The following LYPLAL1 variants were observed in gnomAD, a reference collection of about 807,000 sequenced individuals.
LYPLAL1 encodes the protein lysophospholipase like 1.
LYPLAL1 carries 23 observed loss-of-function variants against 19.7 expected under a neutral mutation model. The ratio of observed to expected loss-of-function variants is 1.17; its 90% CI spans 0.84 to 1.65. LYPLAL1 has a LOEUF of 1.65. LYPLAL1 is among the 40% of genes most tolerant of loss of function. The probability of loss-of-function intolerance (pLI) is 0.00; values close to 1 mark genes in which losing one functional copy is unlikely to be tolerated. For missense variants in LYPLAL1, 355 were observed against 279.4 expected, an observed-to-expected ratio of 1.27 and a Z score of -1.93; for synonymous variants, 119 against 96.3, an observed-to-expected ratio of 1.24 and a Z score of -1.38.
At chr1:219,347,406 A>T in the LYPLAL1 span, among the ~76,000 whole-genome samples, 1 of 152,190 alleles carries the variant, frequency 6.6e-6, no homozygotes, top group Non-Finnish European at 1.5e-5. Flanking sequence ...GAACTGTTTA[A>T]GTCAGAACCC....
At chr1:219,181,597 C>T (rs990557037) in intron 2 of LYPLAL1, among the ~76,000 whole-genome samples, 2 of 152,076 alleles carry the variant, frequency 1.3e-5, no homozygotes, top group Admixed American at 6.6e-5. Flanking sequence ...AAGCATAAGG[C>T]TCAGTTTGTG....
At chr1:219,401,658 G>A in the LYPLAL1 span, among the ~76,000 whole-genome samples, 1 of 152,010 alleles carries the variant, frequency 6.6e-6, no homozygotes, top group African/African-American at 2.4e-5. Context: ...TCTTTTGGAA[G>A]GTATGCCAGC....
the LYPLAL1 span, among the ~76,000 whole-genome samples, chr1:219,354,051 A>T: frequency 6.6e-6 from 1 of 152,244 alleles, no homozygotes; most frequent in Non-Finnish European, 1.5e-5. Context: ...ATGGAAGTAG[A>T]AACAGTCCAA....
At chr1:219,364,611 C>T in the LYPLAL1 span, among the ~76,000 whole-genome samples, 2 of 152,072 alleles carry the variant, frequency 1.3e-5, no homozygotes, top group Non-Finnish European at 2.9e-5. Context: ...AATGCAAACT[C>T]CATAGTGTGG....
intron 2 of LYPLAL1, among the ~76,000 whole-genome samples, chr1:219,188,870 G>A (rs1656931446): frequency 6.6e-6 from 1 of 151,610 alleles, no homozygotes; most frequent in African/African-American, 2.4e-5. Context: ...GAAGGTGAAT[G>A]AGTATAACAT....
chr1:219,347,929 T>C, the LYPLAL1 span, among the ~76,000 whole-genome samples: 11 of 151,680 alleles, frequency 7.3e-5, no homozygotes, highest in South Asian at 1.9e-3. Flanking sequence ...GCTTAAAATA[T>C]GTTCCTTGGC....
chr1:219,232,962 A>G, the LYPLAL1 span, among the ~76,000 whole-genome samples: 6 of 152,164 alleles, frequency 3.9e-5, no homozygotes, highest in African/African-American at 7.2e-5. Flanking sequence ...TGCTGCCACC[A>G]TGGAAAACAA....
chr1:219,289,657 A>C, the LYPLAL1 span, among the ~76,000 whole-genome samples: 1 of 152,198 alleles, frequency 6.6e-6, no homozygotes, highest in African/African-American at 2.4e-5. Flanking sequence ...CTTTTCACCC[A>C]CATTCTGTTT....
chr1:219,280,834 G>A, the LYPLAL1 span, among the ~76,000 whole-genome samples: 1 of 152,140 alleles, frequency 6.6e-6, no homozygotes, highest in Non-Finnish European at 1.5e-5. Context: ...AAATACCCGA[G>A]GTCAGGGGTT....
At chr1:219,341,908 G>A in the LYPLAL1 span, among the ~76,000 whole-genome samples, 22 of 152,140 alleles carry the variant, frequency 1.4e-4, no homozygotes, top group Admixed American at 1.0e-3. Flanking sequence ...CTTTCTAATA[G>A]ATTTGTTTTA....
chr1:219,174,229 C>T, intron 1 of LYPLAL1: 1 of 1,384,224 alleles, frequency 7.2e-7, no homozygotes, highest in South Asian at 1.5e-5. Context: ...TGTGTCCCGC[C>T]GCTCAGCCAG....
At chr1:219,437,500 T>C in the LYPLAL1 span, among the ~76,000 whole-genome samples, 2 of 152,146 alleles carry the variant, frequency 1.3e-5, no homozygotes, top group Non-Finnish European at 2.9e-5. Context: ...TCCCTGACTC[T>C]GATCCTTCCC....
the LYPLAL1 span, among the ~76,000 whole-genome samples, chr1:219,257,353 G>GTTTTT: frequency 5.3e-5 from 7 of 132,578 alleles, 1 homozygote; most frequent in Non-Finnish European, 9.7e-5. Context: ...ATCCATACCA[G>GTTTTT]TTTTTGTTTT....
chr1:219,252,788 C>T, the LYPLAL1 span, among the ~76,000 whole-genome samples: 1 of 152,060 alleles, frequency 6.6e-6, no homozygotes, highest in African/African-American at 2.4e-5. Flanking sequence ...CAAGATAATG[C>T]TGGCCTCATA....
the LYPLAL1 span, among the ~76,000 whole-genome samples, chr1:219,304,890 C>T: frequency 1.3e-5 from 2 of 152,092 alleles, no homozygotes; most frequent in Admixed American, 1.3e-4. Flanking sequence ...TTTTTCCTAT[C>T]GGCAAAGAGG....
the LYPLAL1 span, among the ~76,000 whole-genome samples, chr1:219,241,098 A>ATTCTC: frequency 1.1e-3 from 67 of 59,224 alleles, 1 homozygote; most frequent in African/African-American, 4.1e-3. Flanking sequence ...AATATATATA[A>ATTCTC]TCTCTCTCTC....
chr1:219,326,254 T>A, the LYPLAL1 span, among the ~76,000 whole-genome samples: 1 of 136,404 alleles, frequency 7.3e-6, no homozygotes, highest in Non-Finnish European at 1.5e-5. Flanking sequence ...CCTACTAACC[T>A]GAAATTTCCA....
At chr1:219,280,418 G>T in the LYPLAL1 span, among the ~76,000 whole-genome samples, 4 of 152,018 alleles carry the variant, frequency 2.6e-5, no homozygotes, top group African/African-American at 9.7e-5. Context: ...GCTTTTCCAG[G>T]ATTTGAATCT....
intron 3 of LYPLAL1, among the ~76,000 whole-genome samples, chr1:219,200,960 C>G (rs142436778): frequency 2.0e-5 from 3 of 152,174 alleles, no homozygotes; most frequent in Admixed American, 2.0e-4. Flanking sequence ...AACTTTATTT[C>G]ATTTTAAAGC....
Sources: gnomAD v4.1 joint callset for allele counts (sites outside exome capture counted in the v4.1 genomes callset) on GRCh38, gnomAD v4.1.1 for gene constraint, MANE v1.5 for transcripts, NCBI Gene and HGNC (gene_info 2026-07-23, HGNC 2026-07-21) for gene names.